PTPRT: variants seen among roughly 807,000 people sequenced by gnomAD.
PTPRT encodes the protein receptor-type tyrosine-protein phosphatase T.
A neutral mutation model predicts 176.8 loss-of-function variants in PTPRT; 56 were observed. The observed-to-expected ratio is 0.32, with a 90% confidence interval of 0.26 to 0.40. The LOEUF is 0.40. Ranked by LOEUF, PTPRT falls within the 10% of genes least tolerant of loss-of-function variation. PTPRT has a pLI of 1.00. For missense variants in PTPRT, 1,540 were observed against 1,908.2 expected, an observed-to-expected ratio of 0.81 and a Z score of 3.60; for synonymous variants, 783 against 739.0, an observed-to-expected ratio of 1.06 and a Z score of -0.96.
chr20:42,696,678 A>C (rs943019413), intron 6 of PTPRT, among the ~76,000 whole-genome samples: 1 of 152,016 alleles, frequency 6.6e-6, no homozygotes, highest in Non-Finnish European at 1.5e-5. Flanking sequence ...GATGGTCTGC[A>C]TCTCCTGACC....
chr20:42,198,891 C>T (rs1488141371), intron 16 of PTPRT, among the ~76,000 whole-genome samples: 2 of 152,186 alleles, frequency 1.3e-5, no homozygotes, highest in Admixed American at 1.3e-4. Flanking sequence ...AATCTTAAGC[C>T]ACTCAATTCA....
Position 42,102,278 on chromosome 20 carries a change from G to C in PTPRT, c.3560C>G (p.Pro1187Arg), listed in dbSNP as rs2146239817. ...GCTGCAGTCCTCGGGCCGCACACGGGGTGTCACAATGTTGAGGGTCTGTGG... is the reference window on the plus strand; with the variant it reads ...GCTGCAGTCCTCGGGCCGCACACGGCGTGTCACAATGTTGAGGGTCTGTGG... ...DEFQTLNIVT[P>R]RVRPEDCSIG... Residue 1187 changes from proline (P) to arginine (R), a missense_variant, in exon 26 of 31, where the codon CCC (proline) becomes CGC (arginine). Pro to Arg is a moderately radical substitution (Grantham distance 103). Around this residue, in one of 11 missense-constraint regions of PTPRT, gnomAD observed 342 missense variants for 394.0 expected, o/e 0.87. Transcript: ENST00000373187. 1 of 1,614,054 alleles carries C rather than the reference G, an allele frequency of 6.2e-7. No homozygotes were observed. Among genetic ancestry groups the C allele is most frequent in the Admixed American group, 1.7e-5 (1 of 60,026 alleles).
chr20:42,666,501 C>T (rs774867199), intron 7 of PTPRT, among the ~76,000 whole-genome samples: 6 of 152,142 alleles, frequency 3.9e-5, no homozygotes, highest in Non-Finnish European at 8.8e-5. Flanking sequence ...CTCTTGACTT[C>T]TTTCTCCTGT....
chr20:42,961,846 A>C (rs1420464043), intron 1 of PTPRT, among the ~76,000 whole-genome samples: 3 of 152,328 alleles, frequency 2.0e-5, no homozygotes, highest in South Asian at 4.1e-4. Flanking sequence ...GGCCCAATGT[A>C]ATCACAAACG....
rs542568964 is a variant in PTPRT at position 42,294,162 on chromosome 20, A to AAG, written c.2140-11639_2140-11638dup. Among the ~76,000 whole-genome samples, 114 of 152,294 alleles carry AAG rather than the reference A, an allele frequency of 7.5e-4. 2 individuals are homozygous for AAG. The South Asian group carries it at 0.011, about 15-fold the overall frequency. On this transcript the variant is annotated intron_variant, in intron 12 of 30. Transcript: ENST00000373187. Reference sequence around the variant, plus strand: ...TATGTAAAAACAATTTGGAAGAGAAAAGAGGTAAGCTAGCAGAGAGTACAT... The same window carrying AAG: ...TATGTAAAAACAATTTGGAAGAGAAAAGAGAGGTAAGCTAGCAGAGAGTACAT...
intron 1 of PTPRT, among the ~76,000 whole-genome samples, chr20:43,024,556 C>T (rs556503127): frequency 6.7e-6 from 1 of 149,998 alleles, no homozygotes; most frequent in Non-Finnish European, 1.5e-5. Context: ...CACCACTTTA[C>T]TCCAGCCTGG....
chr20:42,442,893 T>C (rs530230979), intron 9 of PTPRT, among the ~76,000 whole-genome samples: 1 of 152,196 alleles, frequency 6.6e-6, no homozygotes, highest in Admixed American at 6.5e-5. Flanking sequence ...CTGTCCGCAA[T>C]TGCGACGGTC....
chr20:42,865,556 G>A (rs2078732426), intron 2 of PTPRT, among the ~76,000 whole-genome samples: 1 of 152,188 alleles, frequency 6.6e-6, no homozygotes, highest in African/African-American at 2.4e-5. Flanking sequence ...AGGAAGATGG[G>A]TGTTAAATGC....
chr20:42,583,765 T>A (rs764551659), intron 7 of PTPRT, among the ~76,000 whole-genome samples: 1 of 152,252 alleles, frequency 6.6e-6, no homozygotes, highest in Non-Finnish European at 1.5e-5. Context: ...TAAACCTATA[T>A]AATATATTTA....
intron 9 of PTPRT, among the ~76,000 whole-genome samples, chr20:42,426,975 C>T (rs1212694126): frequency 6.6e-6 from 1 of 152,130 alleles, no homozygotes; most frequent in Non-Finnish European, 1.5e-5. Flanking sequence ...ACAGATTTGC[C>T]ACAGTAGCTG....
intron 13 of PTPRT, among the ~76,000 whole-genome samples, chr20:42,263,144 T>G (rs2056778130): frequency 6.6e-6 from 1 of 152,106 alleles, no homozygotes; most frequent in South Asian, 2.1e-4. Flanking sequence ...TGGCCTTTGA[T>G]TCAGGCTAGT....
chr20:42,345,582 ATGTGTGTGTGTG>A (rs56310086), intron 11 of PTPRT, among the ~76,000 whole-genome samples: 16 of 94,654 alleles, frequency 1.7e-4, no homozygotes, highest in Admixed American at 1.2e-3. Flanking sequence ...ATACATATAT[ATGTGTGTGTGTG>A]TGTGTGTGTG....
chr20:42,186,675 T>C (rs570887166), intron 16 of PTPRT, among the ~76,000 whole-genome samples: 5 of 152,110 alleles, frequency 3.3e-5, no homozygotes, highest in Non-Finnish European at 7.4e-5. Context: ...AACCCAGGGA[T>C]GAGTGGTACA....
At chr20:42,230,837 C>A (rs956762062) in intron 15 of PTPRT, among the ~76,000 whole-genome samples, 3 of 152,216 alleles carry the variant, frequency 2.0e-5, no homozygotes, top group Admixed American at 6.5e-5. Context: ...ACTGGAGAGA[C>A]AATAATGGGC....
intron 2 of PTPRT, among the ~76,000 whole-genome samples, chr20:42,875,519 T>C (rs2078915985): frequency 6.6e-6 from 1 of 152,230 alleles, no homozygotes; most frequent in African/African-American, 2.4e-5. Flanking sequence ...CAGAGCTGTT[T>C]GGAGACAAAG....
chr20:42,536,097 A>G (rs923528875), intron 7 of PTPRT, among the ~76,000 whole-genome samples: 2 of 152,186 alleles, frequency 1.3e-5, no homozygotes, highest in African/African-American at 2.4e-5. Context: ...TGCTGCACCA[A>G]GCAGAAGCCT....
chr20:42,218,987 G>T (rs2146778674), intron 15 of PTPRT, among the ~76,000 whole-genome samples: 1 of 152,298 alleles, frequency 6.6e-6, no homozygotes, highest in Non-Finnish European at 1.5e-5. Flanking sequence ...GGAGATTCAT[G>T]GTCTTTATGC....
At chr20:42,602,209 A>C (rs1239260366) in intron 7 of PTPRT, among the ~76,000 whole-genome samples, 1 of 152,140 alleles carries the variant, frequency 6.6e-6, no homozygotes, top group Admixed American at 6.6e-5. Flanking sequence ...CTGCTTTTAA[A>C]GTTTATGTTC....
intron 7 of PTPRT, among the ~76,000 whole-genome samples, chr20:42,613,655 G>A (rs2074012985): frequency 1.3e-5 from 2 of 152,178 alleles, no homozygotes; most frequent in South Asian, 2.1e-4. Context: ...CCTTTACAGG[G>A]AAATCCTGAA....
Sources: allele counts gnomAD v4.1 joint callset (sites outside exome capture counted in the v4.1 genomes callset), GRCh38; gene constraint gnomAD v4.1.1; regional missense constraint gnomAD v4.1.1; transcripts MANE v1.5; gene names NCBI Gene and HGNC (gene_info 2026-07-23, HGNC 2026-07-21).